Variants in SYNPR observed in about 807,000 individuals in gnomAD.
SYNPR encodes synaptoporin.
In SYNPR, 23 loss-of-function variants were observed where a neutral mutation model predicts 32.9. The observed-to-expected ratio is 0.70, with a 90% confidence interval of 0.50 to 0.99. SYNPR has a LOEUF of 0.99. Among genes scored for constraint, SYNPR ranks in the 50% least tolerant of loss-of-function variants. The probability of loss-of-function intolerance (pLI) is 0.00; values close to 1 mark genes in which losing one functional copy is unlikely to be tolerated. For missense variants in SYNPR, 318 were observed against 349.3 expected (o/e 0.91, Z 0.71); for synonymous variants, 146 against 135.9 (o/e 1.07, Z -0.52).
intron 3 of SYNPR, among the ~76,000 whole-genome samples, chr3:63,482,302 T>C (rs1701064178): frequency 6.6e-6 from 1 of 152,192 alleles, no homozygotes; most frequent in Admixed American, 6.5e-5. Flanking sequence ...AGCAGCCCCC[T>C]CATTTAAAAG....
At chr3:63,410,903 A>G (rs1002280351) in intron 2 of SYNPR, among the ~76,000 whole-genome samples, 5 of 152,154 alleles carry the variant, frequency 3.3e-5, no homozygotes, top group Admixed American at 6.6e-5. Flanking sequence ...AAGTTGTTCA[A>G]TAGTACCAAT....
intron 2 of SYNPR, among the ~76,000 whole-genome samples, chr3:63,466,667 T>C (rs1443011551): frequency 7.1e-6 from 1 of 140,208 alleles, no homozygotes; most frequent in East Asian, 1.9e-4. Flanking sequence ...TTTCTTGCAG[T>C]TCTGAACACT....
At chr3:63,408,142 AAAAGAAAGAAAGAAAGAAAGAAAGAAAG>A (rs199743513) in intron 2 of SYNPR, among the ~76,000 whole-genome samples, 4 of 28,486 alleles carry the variant, frequency 1.4e-4, no homozygotes, top group African/African-American at 6.7e-4. Context: ...TAGAAGAAAG[AAAAGAAAGAAAGAAAGAAAGAAAGAAAG>A]AAAGAAAGAA....
intron 2 of SYNPR, among the ~76,000 whole-genome samples, chr3:63,296,892 A>C (rs2086795895): frequency 6.6e-6 from 1 of 152,314 alleles, no homozygotes; most frequent in Middle Eastern, 3.4e-3. Flanking sequence ...GAAATATTCT[A>C]TATCCTCACT....
At chr3:63,305,394 G>T (rs552774731) in intron 2 of SYNPR, among the ~76,000 whole-genome samples, 1 of 151,962 alleles carries the variant, frequency 6.6e-6, no homozygotes, top group African/African-American at 2.4e-5. Context: ...GGACAAATTC[G>T]TTACCCAGCA....
intron 3 of SYNPR, among the ~76,000 whole-genome samples, chr3:63,514,368 A>G (rs1219843742): frequency 6.6e-6 from 1 of 152,206 alleles, no homozygotes; most frequent in Non-Finnish European, 1.5e-5. Context: ...AAGAAGACAG[A>G]GCAAGTCATG....
At chr3:63,574,644 T>C (rs1231280611) in intron 4 of SYNPR, among the ~76,000 whole-genome samples, 9 of 152,158 alleles carry the variant, frequency 5.9e-5, no homozygotes, top group Admixed American at 2.6e-4. Flanking sequence ...TTTATACTTG[T>C]TGGTTACATA....
intron 4 of SYNPR, among the ~76,000 whole-genome samples, chr3:63,572,428 C>T (rs182313788): frequency 1.2e-4 from 19 of 152,290 alleles, no homozygotes; most frequent in African/African-American, 4.6e-4. Context: ...CACCTGCTGA[C>T]TCTGAGTAAG....
intron 4 of SYNPR, among the ~76,000 whole-genome samples, chr3:63,569,401 C>T (rs1480815053): frequency 5.3e-5 from 8 of 152,288 alleles, no homozygotes; most frequent in Admixed American, 1.3e-4. Flanking sequence ...CTTTTGACTA[C>T]ACCCCAGGCC....
rs892461304 is a variant in SYNPR, at chr3:63,473,919, G to A, written c.85-6913G>A. Among the ~76,000 whole-genome samples, 3 of 152,298 alleles carry A rather than the reference G, an allele frequency of 2.0e-5. No individual in the cohort carries two copies. In the South Asian group the frequency reaches 6.2e-4, roughly 32 times the overall value. ...ACTTGTAGTGCCTGCAAAGTAAAATGTGCCCACTCAGTTACTGTTTGATAA... is the reference window on the plus strand; with the variant it reads ...ACTTGTAGTGCCTGCAAAGTAAAATATGCCCACTCAGTTACTGTTTGATAA... On this transcript the variant is annotated intron_variant, in intron 2 of 5. Coordinates refer to ENST00000478300, the MANE Select transcript of SYNPR (RefSeq NM_001130003.2).
At chr3:63,259,661 T>C (rs147859452) in intron 2 of SYNPR, among the ~76,000 whole-genome samples, 3,700 of 152,152 alleles carry the variant, frequency 0.024, 139 homozygotes, top group African/African-American at 0.083. Context: ...TGAAAACTGG[T>C]ACAAGACAGG....
rs189515643 is a variant in SYNPR at position 63,402,839 on chromosome 3, G to C, written c.85-77993G>C. Among the ~76,000 whole-genome samples, 4 of 152,318 alleles carry C rather than the reference G, an allele frequency of 2.6e-5. No homozygotes were observed. The East Asian group carries it at 5.8e-4, about 22-fold the overall frequency. On this transcript the variant is annotated intron_variant, in intron 2 of 5. Coordinates refer to ENST00000478300, the MANE Select transcript of SYNPR (RefSeq NM_001130003.2). ...GCATAGCGCACTTGACATAGTCATT[G>C]CAAGTGTGATGGTGATGCAAGTGTG...
At chr3:63,557,280 G>T (rs1233426902) in intron 4 of SYNPR, among the ~76,000 whole-genome samples, 1 of 151,908 alleles carries the variant, frequency 6.6e-6, no homozygotes, top group Non-Finnish European at 1.5e-5. Context: ...CCTCTAAGAG[G>T]GTACCTAGGC....
At chr3:63,305,098 C>G (rs1173340385) in intron 2 of SYNPR, among the ~76,000 whole-genome samples, 1 of 151,960 alleles carries the variant, frequency 6.6e-6, no homozygotes, top group Non-Finnish European at 1.5e-5. Flanking sequence ...CCACATTGCA[C>G]TGATTTGGTG....
chr3:63,453,343 C>G (rs13074683), intron 2 of SYNPR, among the ~76,000 whole-genome samples: 54,502 of 151,888 alleles, frequency 0.36, 9,933 homozygotes, highest in Non-Finnish European at 0.41. Flanking sequence ...CTCAGAGACT[C>G]TTTTTTACCT....
chr3:63,322,216 G>T (rs527356519), intron 2 of SYNPR, among the ~76,000 whole-genome samples: 140 of 152,180 alleles, frequency 9.2e-4, no homozygotes, highest in African/African-American at 2.6e-3. Flanking sequence ...TGCAACTTTT[G>T]TGATGAGCAT....
At chr3:63,377,045 C>T (rs1353408704) in intron 2 of SYNPR, among the ~76,000 whole-genome samples, 1 of 151,998 alleles carries the variant, frequency 6.6e-6, no homozygotes, top group Non-Finnish European at 1.5e-5. Context: ...CCCGTTTTTC[C>T]CAAGTACAAC....
chr3:63,538,876 A>T (rs1402462146), intron 3 of SYNPR, among the ~76,000 whole-genome samples: 1 of 152,132 alleles, frequency 6.6e-6, no homozygotes, highest in Admixed American at 6.6e-5. Flanking sequence ...AATCTCACAC[A>T]TTATTAATAT....
chr3:63,357,266 C>T (rs557240296), intron 2 of SYNPR, among the ~76,000 whole-genome samples: 2 of 152,146 alleles, frequency 1.3e-5, no homozygotes, highest in African/African-American at 4.8e-5. Context: ...ACCCCTCCCA[C>T]CCCAGACGTC....
Sources: allele counts gnomAD v4.1 joint callset (sites outside exome capture counted in the v4.1 genomes callset), GRCh38; gene constraint gnomAD v4.1.1; transcripts MANE v1.5; gene names NCBI Gene and HGNC (gene_info 2026-07-23, HGNC 2026-07-21).